Variants in MLXIP observed in about 807,000 individuals in gnomAD.
The protein encoded by MLXIP is MLX-interacting protein.
MLXIP carries 30 observed loss-of-function variants against 87.2 expected under a neutral mutation model. That is an observed-to-expected ratio of 0.34 (90% confidence interval 0.26 to 0.47). The LOEUF (loss-of-function observed/expected upper bound fraction) is 0.47, where lower values mean the gene tolerates loss of function less well. MLXIP is among the 20% of genes least tolerant of loss of function. MLXIP has a pLI of 1.00. For synonymous variants in MLXIP, 530 were observed against 514.0 expected (o/e 1.03, Z -0.42); for missense variants, 1,002 against 1,240.1 (o/e 0.81, Z 2.88).
intron 15 of MLXIP, chr12:122,140,699 C>T (rs1301883614): frequency 1.8e-6 from 1 of 570,956 alleles, no homozygotes; most frequent in Non-Finnish European, 3.2e-6. Context: ...GACTAGAGAC[C>T]TTCTGTGTCC....
rs146502986 is a variant in MLXIP at position 122,123,059 on chromosome 12, G to A, written c.414-4197G>A. ...AAGAAGGGTCCCCGTGGAGGTCTGC[G>A]TAGGAAATGTCCCTGCTCCTCTCCT... is the stretch of plus-strand genomic sequence containing the variant. On this transcript the variant is annotated intron_variant, in intron 1 of 16. Transcript: ENST00000319080. 2.2e-3 allele frequency among the ~76,000 whole-genome samples: 335 copies of A among 152,178 alleles called. 1 individual carries two copies. Among genetic ancestry groups the A allele is most frequent in the African/African-American group, 7.4e-3 (308 of 41,524 alleles).
At chr12:122,113,297 C>T (rs1413301969) in intron 1 of MLXIP, among the ~76,000 whole-genome samples, 1 of 152,074 alleles carries the variant, frequency 6.6e-6, no homozygotes, top group Non-Finnish European at 1.5e-5. Context: ...TCTCACTCTG[C>T]CACGCAGGCT....
chr12:122,129,904 C>T, intron 5 of MLXIP, 37 bp from the exon 6 acceptor site: 1 of 1,584,832 alleles, frequency 6.3e-7, no homozygotes, highest in Non-Finnish European at 8.6e-7. Context: ...CACTGTTACT[C>T]TTTGATGCTT....
In MLXIP at chr12:122,132,291, G is replaced by C; in HGVS notation, c.1001-1G>C. The C allele has an allele frequency of 6.2e-7, 1 of 1,609,454 alleles. No homozygotes were observed. Among genetic ancestry groups the C allele is most frequent in the Non-Finnish European group, 8.5e-7 (1 of 1,177,688 alleles). On this transcript the variant is annotated splice_acceptor_variant, in intron 7 of 16. Transcript: ENST00000319080. LOFTEE classifies it high-confidence loss of function. ...AGAAGACCCCTGCTGTTGTTTTTCA[G>C]ACCTCTTCTCTTCTAGCCGCTCCAT...
At chr12:122,112,061 G>A (rs765191354) in intron 1 of MLXIP, among the ~76,000 whole-genome samples, 3 of 152,184 alleles carry the variant, frequency 2.0e-5, no homozygotes, top group Middle Eastern at 3.2e-3. Context: ...AAGATGATGG[G>A]TGCTAACCTT....
intron 1 of MLXIP, among the ~76,000 whole-genome samples, chr12:122,106,156 T>C (rs529976009): frequency 2.6e-4 from 40 of 152,236 alleles, no homozygotes; most frequent in Non-Finnish European, 5.3e-4. Flanking sequence ...ATGGTGGTGA[T>C]GGAGAAGGGA....
chr12:122,103,694 A>ATTT (rs765295584), intron 1 of MLXIP, among the ~76,000 whole-genome samples: 1 of 110,560 alleles, frequency 9.0e-6, no homozygotes, highest in Non-Finnish European at 1.9e-5. Flanking sequence ...TAATTTTTGT[A>ATTT]TTTTTTTTTT....
rs1267426535 is a variant in MLXIP, at chr12:122,101,108, G to A, written c.413+21842G>A. Among the ~76,000 whole-genome samples the A allele has an allele frequency of 3.9e-5, 6 of 152,272 alleles. No individual in the cohort carries two copies. In the South Asian group the frequency reaches 1.2e-3, roughly 32 times the overall value. On this transcript the variant is annotated intron_variant, in intron 1 of 16. Transcript: ENST00000319080. Reference sequence around the variant, plus strand: ...ATCAACAGGGCAGACTATGTCCCCGGGCTAACTGAATTTTACTTTTTGCCA... The same window carrying A: ...ATCAACAGGGCAGACTATGTCCCCGAGCTAACTGAATTTTACTTTTTGCCA...
chr12:122,133,140 T>A lies in MLXIP; in HGVS notation c.1093-208T>A. The A allele has an allele frequency of 2.0e-6, 1 of 494,304 alleles. No homozygotes were observed. Among genetic ancestry groups the A allele is most frequent in the South Asian group, 4.7e-5 (1 of 21,446 alleles). The allele number at this position is 494,304 out of a possible 1,614,324, so 30.6% of individuals were successfully genotyped here. A position where few individuals can be genotyped will look rare whatever the true frequency, so the allele number is the denominator to read the frequency against. ...GCCGTTGCCTTATCTGAGCTCTGAG[T>A]TATTTAGTTTTTAATGGAAACAAGA... On this transcript the variant is annotated intron_variant, in intron 8 of 16. Transcript: ENST00000319080. This position sits in a 1 kb window ranked among gnomAD's most constrained non-coding sequence, Gnocchi z 4.9.
In MLXIP at chr12:122,080,930, C is replaced by T. The variant is rs916221290; in HGVS notation, c.413+1664C>T. On this transcript the variant is annotated intron_variant, in intron 1 of 16. Transcript: ENST00000319080. ...ATTTTAATATAAACTTCTACATATA[C>T]AGGGAGAGAATGGATGAGTCACGGG... 2.6e-5 allele frequency among the ~76,000 whole-genome samples: 4 copies of T among 152,194 alleles called. No homozygotes were observed. The South Asian group carries it at 6.2e-4, about 24-fold the overall frequency.
Position 122,137,419 on chromosome 12 carries a change from G to A in MLXIP, c.2033-50G>A. On this transcript the variant is annotated intron_variant, in intron 11 of 16. Coordinates refer to ENST00000319080, the MANE Select transcript of MLXIP (RefSeq NM_014938.6). The surrounding 1 kb of genome is among the most constrained non-coding windows in gnomAD (Gnocchi z 4.1). ...CAGAGACCCCAGGCTGCCTCCTGGT[G>A]GCGTTGAGGGGCCAGGCCTCCGCCC... 3.2e-6 allele frequency: 5 copies of A among 1,580,126 alleles called. No individual in the cohort carries two copies. Among genetic ancestry groups the A allele is most frequent in the South Asian group, 1.1e-5 (1 of 87,024 alleles).
At position 122,078,922 on chromosome 12, in the gene MLXIP, GC is replaced by G. The variant is rs1256834757; in HGVS notation, c.73del (p.Gln25ArgfsTer109). On this transcript the variant is annotated frameshift_variant, in exon 1 of 17. Transcript: ENST00000319080. LOFTEE classifies it high-confidence loss of function. The stretch of plus-strand genomic sequence containing the variant: ...GCCGGGGCCGCCAGGTGCTGCTCAA[GC>G]CCCAGGTGTCCGAGGACGACGACGA... Reference protein sequence around the residue: ...RSRGRQVLLKPQVSEDDDDSD... With the variant: ...RSRGRQVLLKXQVSEDDDDSD... 1.8e-6 allele frequency: 2 copies of G among 1,135,726 alleles called. No individual in the cohort carries two copies. The highest frequency in any genetic ancestry group is 2.7e-5 in the South Asian group (1 of 37,508). The allele number at this position is 1,135,726 out of a possible 1,614,324, so 70.4% of individuals were successfully genotyped here.
At chr12:122,103,175 ATATGTATGTATG>A (rs199580759) in intron 1 of MLXIP, among the ~76,000 whole-genome samples, 7 of 107,238 alleles carry the variant, frequency 6.5e-5, no homozygotes, top group African/African-American at 2.5e-4. Context: ...GGCTAATTTT[ATATGTATGTATG>A]TATGTATGTA....
At position 122,145,795 on chromosome 12, in the gene MLXIP, G is replaced by C. The variant is rs553105732; in HGVS notation, c.*3983G>C. 2 of 152,594 alleles carry C rather than the reference G, an allele frequency of 1.3e-5. No individual in the cohort carries two copies. Among genetic ancestry groups the C allele is most frequent in the African/African-American group, 4.8e-5 (2 of 41,576 alleles). 9.5% of individuals were successfully genotyped at this position (152,594 alleles called of 1,614,324 possible). A position where few individuals can be genotyped will look rare whatever the true frequency, so the allele number is the denominator to read the frequency against. On this transcript the variant is annotated 3_prime_UTR_variant, in exon 17 of 17. Transcript: ENST00000319080. The stretch of plus-strand genomic sequence containing the variant: ...GGGGATTTGGGGTGCTGTGGGCCTG[G>C]TTATGCACTGGCAGATGGACCTTGC...
rs561053633 is a variant in MLXIP, at chr12:122,102,565, C to T, written c.413+23299C>T. 8.5e-5 allele frequency among the ~76,000 whole-genome samples: 13 copies of T among 152,288 alleles called. No individual in the cohort carries two copies. In the South Asian group the frequency reaches 2.5e-3, roughly 29 times the overall value. On this transcript the variant is annotated intron_variant, in intron 1 of 16. Coordinates refer to ENST00000319080, the MANE Select transcript of MLXIP (RefSeq NM_014938.6). ...TAGCAATTCCCTTCCTAAGAATCTC[C>T]CCAAGAGAAATGAAAATATAGTTCC...
chr12:122,128,902 G>A (rs1952925613), intron 3 of MLXIP: 1 of 541,598 alleles, frequency 1.8e-6, no homozygotes, highest in Admixed American at 3.1e-5. Flanking sequence ...TCAGGACCGT[G>A]CCCCCAAGGC....
intron 1 of MLXIP, among the ~76,000 whole-genome samples, chr12:122,110,006 T>C (rs1329627783): frequency 6.6e-6 from 1 of 152,190 alleles, no homozygotes; most frequent in Non-Finnish European, 1.5e-5. Flanking sequence ...AACGCATCCC[T>C]GCTCTGGGTG....
intron 6 of MLXIP, among the ~76,000 whole-genome samples, chr12:122,130,332 A>G (rs1464338904): frequency 1.3e-5 from 2 of 152,082 alleles, no homozygotes; most frequent in African/African-American, 2.4e-5. Flanking sequence ...GGCAGCTGCC[A>G]TTCCCGTAGT....
intron 9 of MLXIP, chr12:122,134,652 A>G: frequency 6.5e-6 from 1 of 153,390 alleles, no homozygotes. Flanking sequence ...TACAGGTGTG[A>G]GCCCCCACAC....
Sources: allele counts gnomAD v4.1 joint callset (sites outside exome capture counted in the v4.1 genomes callset), GRCh38; gene constraint gnomAD v4.1.1; non-coding constraint Gnocchi (gnomAD v3.1); transcripts MANE v1.5; gene names NCBI Gene and HGNC (gene_info 2026-07-23, HGNC 2026-07-21).